Variants in TSNARE1 observed in about 807,000 individuals in gnomAD.
The protein encoded by TSNARE1 is t-SNARE domain containing 1.
TSNARE1 carries 49 observed loss-of-function variants against 62.0 expected under a neutral mutation model. That is an observed-to-expected ratio of 0.79 (90% CI 0.63 to 1.00). The LOEUF (loss-of-function observed/expected upper bound fraction) is 1.00. TSNARE1 is among the 50% of genes least tolerant of loss of function. The pLI is 0.00. For synonymous variants in TSNARE1, 328 were observed against 294.4 expected (o/e 1.11, Z -1.17); for missense variants, 755 against 700.1 (o/e 1.08, Z -0.88).
chr8:142,374,811 T>C (rs1322017953), intron 1 of TSNARE1, among the ~76,000 whole-genome samples: 1 of 149,902 alleles, frequency 6.7e-6, no homozygotes, highest in Non-Finnish European at 1.5e-5. Flanking sequence ...AGGGAGGGGC[T>C]GGGGCGGAGG....
At chr8:142,378,341 G>C (rs1365764171) in intron 1 of TSNARE1, among the ~76,000 whole-genome samples, 1 of 152,188 alleles carries the variant, frequency 6.6e-6, no homozygotes, top group East Asian at 1.9e-4. Flanking sequence ...AGTCGCATGT[G>C]GTGACAGAAC....
intron 13 of TSNARE1, among the ~76,000 whole-genome samples, chr8:142,222,290 T>TCATTCACTCA (rs200267574): frequency 5.8e-5 from 1 of 17,230 alleles, no homozygotes; most frequent in Non-Finnish European, 1.6e-4. Flanking sequence ...ACTCATTCAC[T>TCATTCACTCA]CTCACTCATT....
chr8:142,256,370 T>TATCACCACCAC (rs1818566146), intron 12 of TSNARE1, among the ~76,000 whole-genome samples: 6 of 520 alleles, frequency 0.012, no homozygotes, highest in East Asian at 0.045. Flanking sequence ...ACCACCATCA[T>TATCACCACCAC]CACCACCATC....
intron 12 of TSNARE1, chr8:142,270,939 C>T (rs1819472372): frequency 1.0e-6 from 1 of 985,550 alleles, no homozygotes. Context: ...CAGCCCACAT[C>T]CTCTCATCCT....
intron 12 of TSNARE1, among the ~76,000 whole-genome samples, chr8:142,244,910 G>A (rs1258982320): frequency 6.6e-6 from 1 of 152,262 alleles, no homozygotes; most frequent in Non-Finnish European, 1.5e-5. Flanking sequence ...TGCAACACGT[G>A]TAGACTCAGA....
upstream of TSNARE1, chr8:142,406,993 CAAAAAG>C (rs1731935062): frequency 6.6e-6 from 1 of 152,186 alleles, no homozygotes; most frequent in African/African-American, 2.4e-5. Context: ...GCAGGAGTGA[CAAAAAG>C]AAAAATGAAG....
intron 2 of TSNARE1, among the ~76,000 whole-genome samples, chr8:142,346,869 G>A (rs901332680): frequency 1.8e-4 from 28 of 152,236 alleles, no homozygotes; most frequent in African/African-American, 5.8e-4. Flanking sequence ...CTCAGGATCC[G>A]TCTAGGGGGA....
At chr8:142,285,484 G>A (rs1294923290) in intron 10 of TSNARE1, among the ~76,000 whole-genome samples, 3 of 139,290 alleles carry the variant, frequency 2.2e-5, no homozygotes, top group Admixed American at 7.1e-5. Flanking sequence ...TGGGTGGGTA[G>A]ATGGGTGGAT....
chr8:142,337,893 G>A (rs1256747816), intron 4 of TSNARE1, among the ~76,000 whole-genome samples: 1 of 152,226 alleles, frequency 6.6e-6, no homozygotes, highest in Non-Finnish European at 1.5e-5. Context: ...CCACCCAGCT[G>A]AAGACCCTGG....
intron 13 of TSNARE1, among the ~76,000 whole-genome samples, chr8:142,226,660 T>A (rs1225959825): frequency 6.6e-6 from 1 of 151,190 alleles, no homozygotes; most frequent in Non-Finnish European, 1.5e-5. Flanking sequence ...GCTGGAGGAA[T>A]GGGGTCACTG....
At chr8:142,350,791 A>G (rs1164228531) in intron 2 of TSNARE1, among the ~76,000 whole-genome samples, 1 of 152,228 alleles carries the variant, frequency 6.6e-6, no homozygotes, top group Non-Finnish European at 1.5e-5. Flanking sequence ...ATTACACCAC[A>G]CAGGAAAACC....
At chr8:142,268,972 ATTT>A (rs1563792203) in intron 12 of TSNARE1, among the ~76,000 whole-genome samples, 1 of 152,268 alleles carries the variant, frequency 6.6e-6, no homozygotes, top group Non-Finnish European at 1.5e-5. Flanking sequence ...AGTTACACTG[ATTT>A]TTAACTGATA....
intron 12 of TSNARE1, among the ~76,000 whole-genome samples, chr8:142,259,991 C>A (rs1043086864): frequency 6.6e-6 from 1 of 151,932 alleles, no homozygotes; most frequent in Non-Finnish European, 1.5e-5. Flanking sequence ...CAGGTGCCCT[C>A]GGGCCGCAGA....
At chr8:142,246,593 A>G (rs1174988897) in intron 12 of TSNARE1, among the ~76,000 whole-genome samples, 1 of 152,160 alleles carries the variant, frequency 6.6e-6, no homozygotes, top group Non-Finnish European at 1.5e-5. Context: ...ACGGGGTGCA[A>G]ACCTGGCTCT....
intron 12 of TSNARE1, among the ~76,000 whole-genome samples, chr8:142,230,086 A>C (rs554145608): frequency 8.1e-4 from 124 of 152,344 alleles, no homozygotes; most frequent in Middle Eastern, 3.4e-3. Flanking sequence ...CTAATTTAAA[A>C]AATTCTGGAC....
chr8:142,344,241 G>A lies in TSNARE1; in HGVS notation c.470C>T (p.Pro157Leu), dbSNP rs534912864. The change falls in exon 4 of 14, where the codon CCC becomes CTC. Residue 157 changes from proline (P) to leucine (L), a missense_variant. By Grantham distance (98) the Pro-to-Leu change is moderately conservative. Transcript: ENST00000524325. The stretch of plus-strand genomic sequence containing the variant: ...GCTCCACACGCGGTACCTGCGAGTG[G>A]GCTCGGCCTTCAGCAGCCCCGTGCC... ...LFGTGLLKAEPTRRYRVWSRI... is the reference protein window; with the variant it reads ...LFGTGLLKAELTRRYRVWSRI... 3.7e-6 allele frequency: 6 copies of A among 1,612,228 alleles called. No individual in the cohort carries two copies. In the South Asian group the frequency reaches 5.5e-5, roughly 15 times the overall value.
chr8:142,362,561 T>C (rs1003243723), intron 1 of TSNARE1, among the ~76,000 whole-genome samples: 1 of 152,040 alleles, frequency 6.6e-6, no homozygotes, highest in African/African-American at 2.4e-5. Flanking sequence ...GGGCCTCCGG[T>C]GGAAGAGCAT....
intron 1 of TSNARE1, among the ~76,000 whole-genome samples, chr8:142,391,908 A>G (rs1837563127): frequency 6.6e-6 from 1 of 152,246 alleles, no homozygotes; most frequent in African/African-American, 2.4e-5. Flanking sequence ...AGCGGGTGTA[A>G]GCACCACTCA....
chr8:142,328,829 A>C (rs74867731), intron 6 of TSNARE1, among the ~76,000 whole-genome samples: 2 of 29,396 alleles, frequency 6.8e-5, no homozygotes, highest in African/African-American at 2.0e-4. Context: ...GGGGGGGGGG[A>C]GGGTTCCGCA....
Sources: gnomAD v4.1 joint callset for allele counts (sites outside exome capture counted in the v4.1 genomes callset) on GRCh38, gnomAD v4.1.1 for gene constraint, MANE v1.5 for transcripts, NCBI Gene and HGNC (gene_info 2026-07-23, HGNC 2026-07-21) for gene names.